Variants in TIFA observed in about 807,000 individuals in gnomAD.
TIFA encodes the protein TRAF interacting protein with forkhead associated domain, also known as TRAF-interacting protein with FHA domain-containing protein A.
For missense variants in TIFA, 186 were observed against 215.2 expected (o/e 0.86, Z 0.85); for synonymous variants, 75 against 79.2 (o/e 0.95, Z 0.28).
intron 1 of TIFA, among the ~76,000 whole-genome samples, chr4:112,279,402 A>C (rs1039896528): frequency 6.6e-6 from 1 of 152,252 alleles, no homozygotes; most frequent in Admixed American, 6.5e-5. Context: ...TTAAAAGTAC[A>C]TGTACATGAT....
chr4:112,275,693 CATT>C lies in TIFA; in HGVS notation c.*2166_*2168del, dbSNP rs1727098801. The stretch of plus-strand genomic sequence containing the variant: ...TTCCAAGATTTACATTAGGAGAAAT[CATT>C]ATTCTGTACAAGATTTTTCTGGCCC... On this transcript the variant is annotated 3_prime_UTR_variant, in exon 2 of 2. Transcript: ENST00000361717. The C allele has an allele frequency of 6.6e-6, 1 of 152,156 alleles. No individual in the cohort carries two copies. Among genetic ancestry groups the C allele is most frequent in the South Asian group, 2.1e-4 (1 of 4,824 alleles). The allele number at this position is 152,156 out of a possible 1,614,324, so 9.4% of individuals were successfully genotyped here.
chr4:112,275,628 G>C lies in TIFA; in HGVS notation c.*2234C>G, dbSNP rs1164434851. 6.6e-6 allele frequency: 1 copy of C among 152,026 alleles called. No individual in the cohort carries two copies. The highest frequency in any genetic ancestry group is 2.4e-5 in the African/African-American group (1 of 41,392). The allele number at this position is 152,026 out of a possible 1,614,324, so 9.4% of individuals were successfully genotyped here. On this transcript the variant is annotated 3_prime_UTR_variant, in exon 2 of 2. Coordinates refer to ENST00000361717, the MANE Select transcript of TIFA (RefSeq NM_052864.3). ...GCCAATCTTTGAAGAAAAGAAAATA[G>C]AATAAAAAATTTAATATTTCTCAAG...
Position 112,277,622 on chromosome 4 carries a change from A to G in TIFA, c.*240T>C. On this transcript the variant is annotated 3_prime_UTR_variant, in exon 2 of 2. Transcript: ENST00000361717. ...TCATCTCAAAGGATACTTTTTGTATATTAATCCTCACAGATTAATAAGAGC... is the reference window on the plus strand; with the variant it reads ...TCATCTCAAAGGATACTTTTTGTATGTTAATCCTCACAGATTAATAAGAGC... The G allele has an allele frequency of 5.6e-6, 2 of 358,474 alleles. No individual in the cohort carries two copies. Among genetic ancestry groups the G allele is most frequent in the Non-Finnish European group, 1.0e-5 (2 of 199,518 alleles). 22.2% of individuals were successfully genotyped at this position (358,474 alleles called of 1,614,324 possible).
rs1305564313 is a variant in TIFA, at chr4:112,285,662, C to G, written c.-41G>C. 6.6e-6 allele frequency: 1 copy of G among 152,262 alleles called. No individual in the cohort carries two copies. The highest frequency in any genetic ancestry group is 1.5e-5 in the Non-Finnish European group (1 of 68,100). 9.4% of individuals were successfully genotyped at this position (152,262 alleles called of 1,614,324 possible). ...TACCTGGGGCTGGGGAGTCAGTGAA[C>G]TCTCTTCAGCTGTTCGGCTCTCCCG... On this transcript the variant is annotated 5_prime_UTR_variant, in exon 1 of 2. Transcript: ENST00000361717.
In TIFA at chr4:112,277,928, A is replaced by G. The variant is rs1727150888; in HGVS notation, c.489T>C (p.Tyr163=). 8 of 1,613,790 alleles carry G rather than the reference A, an allele frequency of 5.0e-6. No homozygotes were observed. Among genetic ancestry groups the G allele is most frequent in the Non-Finnish European group, 6.8e-6 (8 of 1,179,904 alleles). Residue 163 remains tyrosine, a synonymous_variant, in exon 2 of 2, where the codon TAT becomes TAC. Coordinates refer to ENST00000361717, the MANE Select transcript of TIFA (RefSeq NM_052864.3). ...NWPPHRPIPE[Y]GTYSLCSSQS... The stretch of plus-strand genomic sequence containing the variant: ...GGGAGGAGCAGAGCGAATAAGTGCC[A>G]TACTCCGGTATGGGCCTGTGTGGTG...
intron 1 of TIFA, among the ~76,000 whole-genome samples, chr4:112,278,899 T>C (rs1164176615): frequency 6.6e-6 from 1 of 152,216 alleles, no homozygotes; most frequent in Non-Finnish European, 1.5e-5. Context: ...TGGATTATAA[T>C]TAAATATATT....
Position 112,277,799 on chromosome 4 carries a change from G to C in TIFA, c.*63C>G. On this transcript the variant is annotated 3_prime_UTR_variant, in exon 2 of 2. Transcript: ENST00000361717. ...TACTACCCTAATCAACTCTTATTTA[G>C]TGTCTATACAGCATCTACAGAGCTC... The C allele has an allele frequency of 1.4e-6, 2 of 1,453,574 alleles. No individual in the cohort carries two copies. Among genetic ancestry groups the C allele is most frequent in the African/African-American group, 1.4e-5 (1 of 70,310 alleles). The allele number at this position is 1,453,574 out of a possible 1,614,324, so 90.0% of individuals were successfully genotyped here. A position where few individuals can be genotyped will look rare whatever the true frequency, so the allele number is the denominator to read the frequency against.
chr4:112,277,695 T>TCCTTAAAA lies in TIFA; in HGVS notation c.*166_*167insTTTTAAGG. 2.0e-6 allele frequency: 1 copy of TCCTTAAAA among 510,812 alleles called. No homozygotes were observed. Among genetic ancestry groups the TCCTTAAAA allele is most frequent in the East Asian group, 3.5e-5 (1 of 28,466 alleles). 31.6% of individuals were successfully genotyped at this position (510,812 alleles called of 1,614,324 possible). On this transcript the variant is annotated 3_prime_UTR_variant, in exon 2 of 2. Transcript: ENST00000361717. ...TCCAGAATACAACAGGTGACTAAGT[T>TCCTTAAAA]AATGACTAACACAATTTACAGACTT...
At chr4:112,284,230 C>T (rs1443121737) in intron 1 of TIFA, among the ~76,000 whole-genome samples, 2 of 151,870 alleles carry the variant, frequency 1.3e-5, no homozygotes, top group Non-Finnish European at 2.9e-5. Flanking sequence ...AGAATGGATA[C>T]GTGTAGAGGT....
In TIFA at chr4:112,275,947, G is replaced by A. The variant is rs1374333260; in HGVS notation, c.*1915C>T. On this transcript the variant is annotated 3_prime_UTR_variant, in exon 2 of 2. Transcript: ENST00000361717. ...CTACACACTGTAAGCAATTCAAGCC[G>A]GGTGATCTGGCTGTAAACCCACATC... 2.0e-5 allele frequency: 3 copies of A among 152,088 alleles called. No individual in the cohort carries two copies. Among genetic ancestry groups the A allele is most frequent in the East Asian group, 3.8e-4 (2 of 5,196 alleles). 9.4% of individuals were successfully genotyped at this position (152,088 alleles called of 1,614,324 possible).
In TIFA at chr4:112,285,787, G is replaced by T. The variant is rs952987102; in HGVS notation, c.-166C>A. On this transcript the variant is annotated 5_prime_UTR_variant, in exon 1 of 2. Transcript: ENST00000361717. ...GTAAGTGTGAGCCCCGGGGTGCGGG[G>T]AACCGAGCCAGGGACCAGTGACCGC... is the stretch of plus-strand genomic sequence containing the variant. The T allele has an allele frequency of 2.6e-5, 4 of 152,422 alleles. No individual in the cohort carries two copies. The highest frequency in any genetic ancestry group is 9.6e-5 in the African/African-American group (4 of 41,590). 9.4% of individuals were successfully genotyped at this position (152,422 alleles called of 1,614,324 possible).
At chr4:112,282,376 A>G (rs1054308944) in intron 1 of TIFA, among the ~76,000 whole-genome samples, 3 of 152,246 alleles carry the variant, frequency 2.0e-5, no homozygotes, top group African/African-American at 2.4e-5. Flanking sequence ...TTCATGTGCC[A>G]GGCAGACTGC....
At position 112,278,251 on chromosome 4, in the gene TIFA, A is replaced by G; in HGVS notation, c.166T>C (p.Cys56Arg). Residue 56 changes from cysteine (C) to arginine (R), a missense_variant, in exon 2 of 2, where the codon TGT becomes CGT. Coordinates refer to ENST00000361717, the MANE Select transcript of TIFA (RefSeq NM_052864.3). ...TGTTTGTCCTGAAAAGTATAATGAC[A>G]GATGTTGGAATTTCGGCCAAATTTC... ...VVKFGRNSNI[C>R]HYTFQDKQVS... 2 of 1,614,100 alleles carry G rather than the reference A, an allele frequency of 1.2e-6. No homozygotes were observed. Among genetic ancestry groups the G allele is most frequent in the Non-Finnish European group, 1.7e-6 (2 of 1,179,992 alleles).
At chr4:112,279,052 A>G (rs1189053279) in intron 1 of TIFA, among the ~76,000 whole-genome samples, 3 of 152,378 alleles carry the variant, frequency 2.0e-5, no homozygotes, top group East Asian at 1.9e-4. Context: ...ATTTTATTCT[A>G]TAATTTCAAA....
At chr4:112,282,723 A>G (rs1485120883) in intron 1 of TIFA, among the ~76,000 whole-genome samples, 1 of 152,170 alleles carries the variant, frequency 6.6e-6, no homozygotes. Flanking sequence ...GGCCACTTAT[A>G]TAACTTATAT....
chr4:112,279,927 CA>C (rs1239199709), intron 1 of TIFA, among the ~76,000 whole-genome samples: 1 of 152,142 alleles, frequency 6.6e-6, no homozygotes, highest in Non-Finnish European at 1.5e-5. Flanking sequence ...CTCGCCCTCC[CA>C]AAAGTGCTGG....
In TIFA at chr4:112,278,254, T is replaced by C; in HGVS notation, c.163A>G (p.Ile55Val). ...EVVKFGRNSN[I>V]CHYTFQDKQV... ...TTGTCCTGAAAAGTATAATGACAGA[T>C]GTTGGAATTTCGGCCAAATTTCACC... is the stretch of plus-strand genomic sequence containing the variant. The change falls in exon 2 of 2, where the codon ATC (isoleucine) becomes GTC (valine). Residue 55 changes from isoleucine to valine, a missense_variant. Ile to Val is a conservative substitution (Grantham distance 29, BLOSUM62 3). Transcript: ENST00000361717. 6.2e-7 allele frequency: 1 copy of C among 1,614,116 alleles called. No homozygotes were observed.
intron 1 of TIFA, among the ~76,000 whole-genome samples, chr4:112,282,260 A>C (rs1380566928): frequency 6.6e-6 from 1 of 152,166 alleles, no homozygotes; most frequent in Non-Finnish European, 1.5e-5. Context: ...TGAGTCCATT[A>C]AATCTCTTTC....
intron 1 of TIFA, among the ~76,000 whole-genome samples, chr4:112,280,318 T>A (rs1313552770): frequency 6.6e-6 from 1 of 151,562 alleles, no homozygotes; most frequent in African/African-American, 2.4e-5. Context: ...ATATTTTCTT[T>A]CCCTTTCTAT....
Sources: gnomAD v4.1 joint callset for allele counts (sites outside exome capture counted in the v4.1 genomes callset) on GRCh38, gnomAD v4.1.1 for gene constraint, MANE v1.5 for transcripts, NCBI Gene and HGNC (gene_info 2026-07-23, HGNC 2026-07-21) for gene names.